Variants in KCTD1 observed in about 807,000 individuals in gnomAD.
KCTD1 encodes potassium channel tetramerization domain containing 1.
Under a neutral mutation model 66.0 loss-of-function variants are expected in KCTD1, and 24 were observed. That is an observed-to-expected ratio of 0.36 (90% CI 0.26 to 0.51). The LOEUF (loss-of-function observed/expected upper bound fraction) is 0.51, where lower values mean the gene tolerates loss of function less well. Ranked by LOEUF, KCTD1 falls within the 20% of genes least tolerant of loss-of-function variation. KCTD1 has a pLI of 0.95. For synonymous variants in KCTD1, 511 were observed against 517.2 expected, an observed-to-expected ratio of 0.99 and a Z score of 0.16; for missense variants, 943 against 1,205.2, an observed-to-expected ratio of 0.78 and a Z score of 3.22.
chr18:26,479,533 G>A (rs911217665), intron 2 of KCTD1, among the ~76,000 whole-genome samples: 2 of 152,258 alleles, frequency 1.3e-5, no homozygotes, highest in Non-Finnish European at 2.9e-5. Context: ...AAGCAGAGCA[G>A]GCAAGGGGTG....
At chr18:26,600,454 G>C (rs144333609) in intron 1 of KCTD1, 28 of 673,082 alleles carry the variant, frequency 4.2e-5, no homozygotes, top group African/African-American at 2.7e-4. Context: ...AGATCTATTT[G>C]CAGAGTGGGT....
At chr18:26,487,898 T>G (rs1981996757) in intron 2 of KCTD1, among the ~76,000 whole-genome samples, 1 of 152,208 alleles carries the variant, frequency 6.6e-6, no homozygotes, top group South Asian at 2.1e-4. Flanking sequence ...TAAGAAGGAT[T>G]CCTCATTTTT....
chr18:26,532,923 A>G (rs1252464177), intron 1 of KCTD1, among the ~76,000 whole-genome samples: 2 of 152,152 alleles, frequency 1.3e-5, no homozygotes, highest in African/African-American at 4.8e-5. Flanking sequence ...CTTGTTCTTT[A>G]TTGCGTCCTC....
chr18:26,484,549 G>A (rs1309928839), intron 2 of KCTD1, among the ~76,000 whole-genome samples: 1 of 152,046 alleles, frequency 6.6e-6, no homozygotes, highest in Admixed American at 6.6e-5. Context: ...CCCTGACTTC[G>A]GTTAGAAAAT....
chr18:26,462,310 A>G (rs1980476750), intron 3 of KCTD1, among the ~76,000 whole-genome samples: 1 of 152,236 alleles, frequency 6.6e-6, no homozygotes, highest in African/African-American at 2.4e-5. Flanking sequence ...AAGCGCTCCT[A>G]TGAAGGTCAT....
intron 1 of KCTD1, among the ~76,000 whole-genome samples, chr18:26,627,262 T>TTGTGTGTGTGTGTG (rs59902249): frequency 2.1e-5 from 3 of 145,936 alleles, no homozygotes; most frequent in African/African-American, 7.7e-5. Context: ...CTTCTGGGTT[T>TTGTGTGTGTGTGTG]TGTGTGTGTG....
chr18:26,654,525 T>C (rs530836118), intron 1 of KCTD1, among the ~76,000 whole-genome samples: 1 of 152,244 alleles, frequency 6.6e-6, no homozygotes, highest in East Asian at 1.9e-4. Context: ...AACACAAAAA[T>C]CTTACAGCTA....
chr18:26,547,053 G>T lies in KCTD1; in HGVS notation c.1484C>A (p.Pro495His). 1 of 1,481,882 alleles carries T rather than the reference G, an allele frequency of 6.7e-7. No homozygotes were observed. The highest frequency in any genetic ancestry group is 1.3e-5 in the South Asian group (1 of 77,354). 91.8% of individuals were successfully genotyped at this position (1,481,882 alleles called of 1,614,324 possible). Residue 495 changes from proline to histidine, a missense_variant, in exon 1 of 5, where the codon CCC becomes CAC. Transcript: ENST00000580059. Reference protein sequence around the residue: ...NGAARHHSHHPPTHPSHHHRP... With the variant: ...NGAARHHSHHHPTHPSHHHRP... ...GTGGTGGTGGGAGGGATGGGTGGGGGGGTGGTGGGAGTGGTGCCGTGCCGC... is the reference window on the plus strand; with the variant it reads ...GTGGTGGTGGGAGGGATGGGTGGGGTGGTGGTGGGAGTGGTGCCGTGCCGC...
intron 1 of KCTD1, among the ~76,000 whole-genome samples, chr18:26,603,331 C>G (rs771250885): frequency 1.7e-4 from 26 of 151,000 alleles, no homozygotes; most frequent in Non-Finnish European, 2.6e-4. Flanking sequence ...ACTTGGGAGA[C>G]TGAGGTGGGA....
chr18:26,568,711 A>G (rs79205159), intron 1 of KCTD1, among the ~76,000 whole-genome samples: 2,820 of 152,006 alleles, frequency 0.019, 65 homozygotes, highest in African/African-American at 0.054. Flanking sequence ...CAAGGCCAAC[A>G]CTCTGTTTGC....
intron 1 of KCTD1, among the ~76,000 whole-genome samples, chr18:26,512,420 G>C (rs532993937): frequency 6.6e-6 from 1 of 151,522 alleles, no homozygotes; most frequent in Non-Finnish European, 1.5e-5. Context: ...AGATTCTTAA[G>C]TGCCCATTTG....
At position 26,573,286 on chromosome 18, in the gene KCTD1, G is replaced by A. The variant is rs543528186; in HGVS notation, c.-16+55861C>T. ...GGAGAATGAGGTGTTATTGTTTAAT[G>A]GATACAGGGTTTCTGTTGTGCAAGA... is the stretch of plus-strand genomic sequence containing the variant. On this transcript the variant is annotated intron_variant, in intron 1 of 4. Transcript: ENST00000317932. 1.1e-3 allele frequency among the ~76,000 whole-genome samples: 160 copies of A among 152,226 alleles called. 1 individual carries two copies. The highest frequency in any genetic ancestry group is 3.6e-3 in the African/African-American group (150 of 41,538).
chr18:26,565,335 G>C (rs1382701076), intron 1 of KCTD1, among the ~76,000 whole-genome samples: 1 of 152,186 alleles, frequency 6.6e-6, no homozygotes, highest in Non-Finnish European at 1.5e-5. Context: ...ATCATCAGCT[G>C]AATCAAGTTG....
chr18:26,561,788 C>G (rs1453970606), intron 1 of KCTD1, among the ~76,000 whole-genome samples: 1 of 152,186 alleles, frequency 6.6e-6, no homozygotes, highest in Non-Finnish European at 1.5e-5. Context: ...CAAACAGTCT[C>G]TCTTTCTCTA....
At chr18:26,563,886 C>T (rs1985919774) in intron 1 of KCTD1, among the ~76,000 whole-genome samples, 1 of 152,202 alleles carries the variant, frequency 6.6e-6, no homozygotes, top group Non-Finnish European at 1.5e-5. Context: ...AGTCTTAGCT[C>T]AAGTCCTCTG....
intron 1 of KCTD1, among the ~76,000 whole-genome samples, chr18:26,578,580 G>A (rs562158362): frequency 1.3e-5 from 2 of 152,244 alleles, no homozygotes; most frequent in Admixed American, 1.3e-4. Context: ...GAACTCAACT[G>A]AACCAACCTT....
intron 2 of KCTD1, among the ~76,000 whole-genome samples, chr18:26,490,360 G>C (rs558415930): frequency 1.3e-5 from 2 of 152,272 alleles, no homozygotes; most frequent in African/African-American, 4.8e-5. Flanking sequence ...TGACACAGGG[G>C]GATTAGGGAA....
At chr18:26,650,647 T>C (rs1215772504) in intron 1 of KCTD1, among the ~76,000 whole-genome samples, 3 of 151,852 alleles carry the variant, frequency 2.0e-5, no homozygotes, top group Non-Finnish European at 4.4e-5. Context: ...GCATATGGGG[T>C]GGTGGGAATG....
At position 26,455,732 on chromosome 18, in the gene KCTD1, A is replaced by G; in HGVS notation, c.*11T>C. On this transcript the variant is annotated 3_prime_UTR_variant, in exon 5 of 5. Coordinates refer to ENST00000580059, the MANE Select transcript of KCTD1 (RefSeq NM_001142730.3). ...TGTGTGTTTTCCTTTTTGCATAAGA[A>G]ATATGTCCATTTAGTCCAGAGGCTC... is the stretch of plus-strand genomic sequence containing the variant. 6.2e-7 allele frequency: 1 copy of G among 1,613,842 alleles called. No individual in the cohort carries two copies. The highest frequency in any genetic ancestry group is 2.2e-5 in the East Asian group (1 of 44,880).
Sources: gnomAD v4.1 joint callset for allele counts (sites outside exome capture counted in the v4.1 genomes callset) on GRCh38, gnomAD v4.1.1 for gene constraint, MANE v1.5 for transcripts, NCBI Gene and HGNC (gene_info 2026-07-23, HGNC 2026-07-21) for gene names.